Variants in CD6 observed in about 807,000 individuals in gnomAD.
The protein encoded by CD6 is T-cell differentiation antigen CD6.
In CD6, 53 loss-of-function variants were observed where a neutral mutation model predicts 75.3. That is an observed-to-expected ratio of 0.70 (90% CI 0.56 to 0.88). The LOEUF (loss-of-function observed/expected upper bound fraction) is 0.88. Ranked by LOEUF, CD6 falls within the 40% of genes least tolerant of loss-of-function variation. The probability of loss-of-function intolerance (pLI) is 0.00; values close to 1 mark genes in which losing one functional copy is unlikely to be tolerated. For missense variants in CD6, 770 were observed against 897.1 expected, an observed-to-expected ratio of 0.86 and a Z score of 1.81; for synonymous variants, 359 against 381.5, an observed-to-expected ratio of 0.94 and a Z score of 0.69.
At chr11:60,973,898 C>T (rs1857277604) in intron 1 of CD6, among the ~76,000 whole-genome samples, 2 of 152,142 alleles carry the variant, frequency 1.3e-5, no homozygotes, top group South Asian at 4.1e-4. Flanking sequence ...TTCAAGCAGC[C>T]CCTTGCCCCT....
At chr11:61,012,652 AC>A (rs372208216) in intron 6 of CD6, among the ~76,000 whole-genome samples, 28 of 151,782 alleles carry the variant, frequency 1.8e-4, no homozygotes, top group African/African-American at 6.0e-4. Context: ...CACTCCAGGA[AC>A]CCTCCTCACT....
At chr11:60,982,187 G>A (rs1270082189) in intron 1 of CD6, among the ~76,000 whole-genome samples, 3 of 148,030 alleles carry the variant, frequency 2.0e-5, no homozygotes, top group Non-Finnish European at 4.5e-5. Context: ...GTGACGAGGG[G>A]CCTTGGGGCT....
At chr11:60,986,066 C>T (rs940635179) in intron 1 of CD6, among the ~76,000 whole-genome samples, 3 of 152,214 alleles carry the variant, frequency 2.0e-5, no homozygotes, top group Non-Finnish European at 4.4e-5. Flanking sequence ...CAAGGACTTA[C>T]CCAAGGTCCT....
chr11:60,988,857 G>C (rs1275600083), intron 1 of CD6, among the ~76,000 whole-genome samples: 1 of 152,224 alleles, frequency 6.6e-6, no homozygotes, highest in East Asian at 1.9e-4. Context: ...GAGAGCCAGT[G>C]GGTGGGGGCA....
rs1858989713 is a variant in CD6 at position 61,008,577 on chromosome 11, C to G, written c.513C>G (p.Ala171=). 6.2e-7 allele frequency: 1 copy of G among 1,607,356 alleles called. No homozygotes were observed. Among genetic ancestry groups the G allele is most frequent in the South Asian group, 1.1e-5 (1 of 90,042 alleles). ...TGGTGGACGGTGGCGGCGCCTGCGC[C>G]GGCCGCGTGGAGATGCTGGAGCATG... The part of the protein sequence containing the change: ...LRLVDGGGAC[A]GRVEMLEHGE... Residue 171 remains alanine (A), a synonymous_variant, in exon 4 of 13, where the codon GCC becomes GCG. Transcript: ENST00000313421.
At chr11:60,991,154 T>C (rs1213844232) in intron 1 of CD6, among the ~76,000 whole-genome samples, 2 of 144,632 alleles carry the variant, frequency 1.4e-5, no homozygotes, top group African/African-American at 5.1e-5. Flanking sequence ...TCTTTCTTTT[T>C]TTTTTTTTTT....
chr11:61,015,223 A>G (rs910984095), intron 8 of CD6, among the ~76,000 whole-genome samples: 2 of 152,196 alleles, frequency 1.3e-5, no homozygotes, highest in Admixed American at 6.5e-5. Context: ...AGTTCTCCAT[A>G]TTGGAAATGA....
chr11:60,990,485 A>G (rs557206858), intron 1 of CD6, among the ~76,000 whole-genome samples: 1 of 152,234 alleles, frequency 6.6e-6, no homozygotes, highest in South Asian at 2.1e-4. Context: ...CGGCCTTCCA[A>G]AGTGCTGGGA....
At chr11:60,980,679 A>C (rs1319908306) in intron 1 of CD6, among the ~76,000 whole-genome samples, 1 of 152,022 alleles carries the variant, frequency 6.6e-6, no homozygotes, top group Non-Finnish European at 1.5e-5. Flanking sequence ...AGAAATACAA[A>C]AATTAGCCGG....
At position 61,019,416 on chromosome 11, in the gene CD6, C is replaced by T. The variant is rs111707932; in HGVS notation, c.*98C>T. ...TTCCCACCCTCCCAGCTCACCTCCC[C>T]ATGGAGCTGAGAGGCCTCCCTTGGA... On this transcript the variant is annotated 3_prime_UTR_variant, in exon 13 of 13. Transcript: ENST00000313421. 4 of 928,564 alleles carry T rather than the reference C, an allele frequency of 4.3e-6. No homozygotes were observed. Among genetic ancestry groups the T allele is most frequent in the African/African-American group, 1.6e-5 (1 of 60,840 alleles). The allele number at this position is 928,564 out of a possible 1,614,324, so 57.5% of individuals were successfully genotyped here. A position where few individuals can be genotyped will look rare whatever the true frequency, so the allele number is the denominator to read the frequency against.
rs374447028 is a variant in CD6, at chr11:60,972,084, A to T, written c.49+170A>T. Among the ~76,000 whole-genome samples the T allele has an allele frequency of 4.4e-3, 675 of 152,190 alleles. 9 individuals carry two copies. The highest frequency in any genetic ancestry group is 0.015 in the African/African-American group (633 of 41,530). On this transcript the variant is annotated intron_variant, in intron 1 of 12. Transcript: ENST00000313421. ...ATCTGGGGCTAGGAGAGGACACAGG[A>T]GCCCCTCGAGGGGCTGGGGCTGTGC... is the stretch of plus-strand genomic sequence containing the variant.
chr11:60,990,516 G>A (rs1418869764), intron 1 of CD6, among the ~76,000 whole-genome samples: 3 of 152,104 alleles, frequency 2.0e-5, no homozygotes, highest in East Asian at 1.9e-4. Flanking sequence ...GAGCCACCGC[G>A]CCTGGCCTGA....
chr11:61,019,237 G>A lies in CD6; in HGVS notation c.1943-17G>A. ...AATGACTGGGTCTCCCACTAATCTG[G>A]GCCTCTCTGCCCACAGGGTCCCCCA... On this transcript the variant is annotated splice_polypyrimidine_tract_variant and intron_variant, in intron 12 of 12. Transcript: ENST00000313421. 1 of 1,607,452 alleles carries A rather than the reference G, an allele frequency of 6.2e-7. No individual in the cohort carries two copies. The highest frequency in any genetic ancestry group is 1.3e-5 in the African/African-American group (1 of 74,882).
At position 61,000,072 on chromosome 11, in the gene CD6, AATAAAT is replaced by A. The variant is rs1370657318; in HGVS notation, c.50-6484_50-6479del. Reference sequence around the variant, plus strand: ...GACTCTATGGCAAAATAAAAATAAAAATAAATATAAATATAAATATAAAAAACCAGC... The same window carrying A: ...GACTCTATGGCAAAATAAAAATAAAAATAAATATAAATATAAAAAACCAGC... On this transcript the variant is annotated intron_variant, in intron 1 of 12. Transcript: ENST00000313421. Among the ~76,000 whole-genome samples the A allele has an allele frequency of 5.6e-3, 844 of 151,918 alleles. 9 individuals are homozygous for A. The highest frequency in any genetic ancestry group is 0.02 in the African/African-American group (809 of 41,474).
chr11:60,997,921 A>G (rs1455088117), intron 1 of CD6, among the ~76,000 whole-genome samples: 1 of 152,182 alleles, frequency 6.6e-6, no homozygotes, highest in Non-Finnish European at 1.5e-5. Context: ...ACAGCACCAT[A>G]TGATTTTCCC....
At chr11:60,982,456 C>G (rs555797459) in intron 1 of CD6, among the ~76,000 whole-genome samples, 1 of 152,278 alleles carries the variant, frequency 6.6e-6, no homozygotes, top group Non-Finnish European at 1.5e-5. Flanking sequence ...ATCTGCACTT[C>G]AGTACCCTTT....
chr11:60,998,954 T>A (rs944919257), intron 1 of CD6, among the ~76,000 whole-genome samples: 1 of 150,944 alleles, frequency 6.6e-6, no homozygotes, highest in Non-Finnish European at 1.5e-5. Flanking sequence ...AGGTCAGGAG[T>A]TCGAGACCAG....
intron 1 of CD6, among the ~76,000 whole-genome samples, chr11:60,997,183 C>T (rs1323069724): frequency 6.6e-6 from 1 of 152,084 alleles, no homozygotes; most frequent in Admixed American, 6.5e-5. Flanking sequence ...CAAGACCAGC[C>T]TGGCCAACGT....
At chr11:60,990,441 C>T (rs1397399777) in intron 1 of CD6, among the ~76,000 whole-genome samples, 1 of 152,130 alleles carries the variant, frequency 6.6e-6, no homozygotes, top group Non-Finnish European at 1.5e-5. Context: ...TCACACTGGT[C>T]TTGAACTCCT....
Sources: allele counts gnomAD v4.1 joint callset (sites outside exome capture counted in the v4.1 genomes callset), GRCh38; gene constraint gnomAD v4.1.1; transcripts MANE v1.5; gene names NCBI Gene and HGNC (gene_info 2026-07-23, HGNC 2026-07-21).